Variants in ZDHHC14 observed in about 807,000 individuals in gnomAD.
The protein encoded by ZDHHC14 is palmitoyltransferase ZDHHC14.
A neutral mutation model predicts 47.7 loss-of-function variants in ZDHHC14; 16 were observed. That is an observed-to-expected ratio of 0.34 (90% CI 0.23 to 0.51). The LOEUF is 0.51. Ranked by LOEUF, ZDHHC14 falls within the 20% of genes least tolerant of loss-of-function variation. The pLI is 0.97. For missense variants in ZDHHC14, 515 were observed against 662.5 expected, an observed-to-expected ratio of 0.78 and a Z score of 2.44; for synonymous variants, 293 against 278.9, an observed-to-expected ratio of 1.05 and a Z score of -0.50.
At chr6:157,595,634 A>G (rs1214642223) in intron 3 of ZDHHC14, among the ~76,000 whole-genome samples, 4 of 152,138 alleles carry the variant, frequency 2.6e-5, no homozygotes, top group Non-Finnish European at 5.9e-5. Context: ...CCACAGGTGT[A>G]TGTGTCCCTT....
intron 1 of ZDHHC14, among the ~76,000 whole-genome samples, chr6:157,501,041 G>C (rs112771594): frequency 0.13 from 20,292 of 152,202 alleles, 1,524 homozygotes; most frequent in Admixed American, 0.15. Flanking sequence ...TCTTCTGCTG[G>C]ATGGTAATCC....
At chr6:157,489,323 G>A (rs1469572617) in intron 1 of ZDHHC14, among the ~76,000 whole-genome samples, 3 of 152,174 alleles carry the variant, frequency 2.0e-5, no homozygotes, top group Admixed American at 1.3e-4. Context: ...CTTCGTAAAC[G>A]TTGTAGTAGC....
rs1316044794 is a variant in ZDHHC14, at chr6:157,427,799, T to A, written c.245+45533T>A. Among the ~76,000 whole-genome samples the A allele has an allele frequency of 6.6e-6, 1 of 152,096 alleles. No individual in the cohort carries two copies. Among genetic ancestry groups the A allele is most frequent in the Admixed American group, 6.5e-5 (1 of 15,276 alleles). ...CTTCCATCGGAGTGTGGAAACAGGT[T>A]TTCATCAAGATCCTTTCCATGACAT... On this transcript the variant is annotated intron_variant, in intron 1 of 8. Transcript: ENST00000359775. The surrounding 1 kb of genome is among the most constrained non-coding windows in gnomAD (Gnocchi z 4.4).
chr6:157,458,832 C>T (rs1452855069), intron 1 of ZDHHC14, among the ~76,000 whole-genome samples: 1 of 134,548 alleles, frequency 7.4e-6, no homozygotes, highest in Non-Finnish European at 1.6e-5. Flanking sequence ...AATACAGGTA[C>T]TAGCAAATGT....
In ZDHHC14 at chr6:157,391,651, A is replaced by G. The variant is rs374616254; in HGVS notation, c.245+9385A>G. On this transcript the variant is annotated intron_variant, in intron 1 of 8. Transcript: ENST00000359775. ...ATTTGATTTCTCCTCACTCCTGTTT[A>G]TGGTGGATTCCTGTTCTTCCTGCTG... is the stretch of plus-strand genomic sequence containing the variant. Among the ~76,000 whole-genome samples the G allele has an allele frequency of 2.3e-4, 35 of 152,304 alleles. No individual in the cohort carries two copies. In the South Asian group the frequency reaches 6.6e-3, roughly 29 times the overall value.
At chr6:157,404,034 G>A (rs62422833) in intron 1 of ZDHHC14, among the ~76,000 whole-genome samples, 1,735 of 152,368 alleles carry the variant, frequency 0.011, 18 homozygotes, top group Non-Finnish European at 0.019. Context: ...CCCATAGTTG[G>A]TACTGTTATT....
chr6:157,434,233 T>C (rs1187225677), intron 1 of ZDHHC14, among the ~76,000 whole-genome samples: 1 of 150,460 alleles, frequency 6.6e-6, no homozygotes, highest in East Asian at 1.9e-4. Context: ...TATATATATA[T>C]ATAATTCTTT....
At chr6:157,664,844 C>T (rs1349101308) in intron 8 of ZDHHC14, among the ~76,000 whole-genome samples, 4 of 152,088 alleles carry the variant, frequency 2.6e-5, no homozygotes, top group African/African-American at 7.2e-5. Context: ...ACATGCCCAG[C>T]GCAACCCTTG....
chr6:157,473,073 C>T (rs1779391358), intron 1 of ZDHHC14, among the ~76,000 whole-genome samples: 3 of 152,170 alleles, frequency 2.0e-5, no homozygotes, highest in East Asian at 1.9e-4. Context: ...GTATGGTATA[C>T]AACATGGTAT....
At position 157,382,199 on chromosome 6, in the gene ZDHHC14, C is replaced by T. The variant is rs1777226974; in HGVS notation, c.178C>T (p.Gln60Ter). Residue 60 changes from glutamine to a stop codon, truncating the protein, a stop_gained, in exon 1 of 9, where the codon CAG (glutamine) becomes TAG (stop). Transcript: ENST00000359775. LOFTEE classifies it high-confidence loss of function. Reference sequence around the variant, plus strand: ...TAACGGGAGGATCATGATGGCCCGGCAGACGGGCGTCTTCTACCTGACGCT... The same window carrying T: ...TAACGGGAGGATCATGATGGCCCGGTAGACGGGCGTCTTCTACCTGACGCT... ...FCNGRIMMAR[Q>*]TGVFYLTLVL... 1.2e-6 allele frequency: 2 copies of T among 1,613,546 alleles called. No individual in the cohort carries two copies. The highest frequency in any genetic ancestry group is 1.7e-6 in the Non-Finnish European group (2 of 1,179,830).
At chr6:157,561,607 G>A (rs536761012) in intron 2 of ZDHHC14, among the ~76,000 whole-genome samples, 1 of 152,164 alleles carries the variant, frequency 6.6e-6, no homozygotes, top group South Asian at 2.1e-4. Flanking sequence ...AACTATACAC[G>A]CACACCTGGC....
intron 1 of ZDHHC14, among the ~76,000 whole-genome samples, chr6:157,530,008 A>G (rs1781306703): frequency 6.6e-6 from 1 of 152,230 alleles, no homozygotes; most frequent in South Asian, 2.1e-4. Context: ...TTAGCTGTGT[A>G]CATTTCTGTA....
At chr6:157,628,595 T>TTTCTTTCTCCCTTTCCCC in intron 4 of ZDHHC14, 109 bp downstream of exon 4, 1 of 1,421,006 alleles carries the variant, frequency 7.0e-7, no homozygotes, top group Admixed American at 2.1e-5. Flanking sequence ...TCTCTTTCCC[T>TTTCTTTCTCCCTTTCCCC]TTCTTTCTCC....
intron 3 of ZDHHC14, among the ~76,000 whole-genome samples, chr6:157,626,490 G>T (rs531467370): frequency 1.3e-5 from 2 of 152,080 alleles, no homozygotes; most frequent in Non-Finnish European, 2.9e-5. Flanking sequence ...AGGTTTGTTC[G>T]TTGTCAATAT....
chr6:157,400,628 C>G (rs1777615755), intron 1 of ZDHHC14, among the ~76,000 whole-genome samples: 1 of 152,156 alleles, frequency 6.6e-6, no homozygotes, highest in South Asian at 2.1e-4. Context: ...TACTCCATAC[C>G]CCAGTCCCCT....
intron 1 of ZDHHC14, among the ~76,000 whole-genome samples, chr6:157,516,322 T>C (rs895297089): frequency 2.0e-5 from 3 of 152,252 alleles, no homozygotes; most frequent in African/African-American, 7.2e-5. Flanking sequence ...AGCATTGTGA[T>C]AAATCAACCG....
chr6:157,422,185 G>C (rs1778121742), intron 1 of ZDHHC14, among the ~76,000 whole-genome samples: 2 of 152,174 alleles, frequency 1.3e-5, no homozygotes, highest in Non-Finnish European at 2.9e-5. Flanking sequence ...ATAGTCTTAG[G>C]TTAGCTTTAT....
At chr6:157,420,597 G>T (rs1778079946) in intron 1 of ZDHHC14, among the ~76,000 whole-genome samples, 1 of 152,214 alleles carries the variant, frequency 6.6e-6, no homozygotes, top group Admixed American at 6.5e-5. Context: ...TCATTGAAGT[G>T]GTGGGCCATT....
rs1291487034 is a variant in ZDHHC14, at chr6:157,435,764, T to G, written c.245+53498T>G. Among the ~76,000 whole-genome samples, 6 of 152,188 alleles carry G rather than the reference T, an allele frequency of 3.9e-5. No homozygotes were observed. The East Asian group carries it at 1.2e-3, about 29-fold the overall frequency. ...CATGTTGGCCAGGCTGGTCTCGAACTCTTGGGCTCAAGCGATCCTCCCACC... is the reference window on the plus strand; with the variant it reads ...CATGTTGGCCAGGCTGGTCTCGAACGCTTGGGCTCAAGCGATCCTCCCACC... On this transcript the variant is annotated intron_variant, in intron 1 of 8. Coordinates refer to ENST00000359775, the MANE Select transcript of ZDHHC14 (RefSeq NM_024630.3).
Sources: allele counts gnomAD v4.1 joint callset (sites outside exome capture counted in the v4.1 genomes callset), GRCh38; gene constraint gnomAD v4.1.1; non-coding constraint Gnocchi (gnomAD v3.1); transcripts MANE v1.5; gene names NCBI Gene and HGNC (gene_info 2026-07-23, HGNC 2026-07-21).